ZNF385B: variants seen among roughly 807,000 people sequenced by gnomAD.
ZNF385B encodes the protein zinc finger protein 385B.
ZNF385B carries 23 observed loss-of-function variants against 39.2 expected under a neutral mutation model. The observed-to-expected ratio is 0.59, with a 90% CI of 0.42 to 0.83. ZNF385B has a LOEUF of 0.83. ZNF385B is among the 40% of genes least tolerant of loss of function. ZNF385B has a pLI of 0.00. For missense variants in ZNF385B, 552 were observed against 598.9 expected, an observed-to-expected ratio of 0.92 and a Z score of 0.82; for synonymous variants, 205 against 222.6, an observed-to-expected ratio of 0.92 and a Z score of 0.70.
chr2:179,783,633 C>A (rs180806723), intron 1 of ZNF385B, among the ~76,000 whole-genome samples: 144 of 151,936 alleles, frequency 9.5e-4, no homozygotes, highest in African/African-American at 3.0e-3. Context: ...AACAAATTTA[C>A]AAGAGAAAAA....
In ZNF385B at chr2:179,518,576, C is replaced by T. The variant is rs769889141; in HGVS notation, c.504G>A (p.Lys168=). ...HTFGVSIPPK[K]KQVISCNVCQ... ...AGACATTACAAGAAATAACTTGTTTCTTCTTTGGGGGAATGGATACTCCAA... is the reference window on the plus strand; with the variant it reads ...AGACATTACAAGAAATAACTTGTTTTTTCTTTGGGGGAATGGATACTCCAA... The change falls in exon 5 of 10, where the codon AAG becomes AAA. Residue 168 remains lysine, a synonymous_variant. Transcript: ENST00000410066. 4 of 1,609,730 alleles carry T rather than the reference C, an allele frequency of 2.5e-6. No homozygotes were observed. In the South Asian group the frequency reaches 3.3e-5, roughly 13 times the overall value.
At chr2:179,721,130 A>G (rs1700674191) in intron 3 of ZNF385B, among the ~76,000 whole-genome samples, 1 of 152,008 alleles carries the variant, frequency 6.6e-6, no homozygotes, top group Admixed American at 6.6e-5. Flanking sequence ...ACTACAGATG[A>G]AAAGGTAAGT....
At chr2:179,581,402 T>G (rs2106034194) in intron 3 of ZNF385B, among the ~76,000 whole-genome samples, 1 of 152,350 alleles carries the variant, frequency 6.6e-6, no homozygotes, top group South Asian at 2.1e-4. Context: ...TCTTATTTTT[T>G]GTAAAGCTGT....
At chr2:179,650,277 T>C (rs2106244865) in intron 3 of ZNF385B, among the ~76,000 whole-genome samples, 1 of 152,318 alleles carries the variant, frequency 6.6e-6, no homozygotes, top group Non-Finnish European at 1.5e-5. Context: ...ATATACATAT[T>C]TTGGGAAAGG....
chr2:179,668,106 A>T (rs1695410649), intron 3 of ZNF385B, among the ~76,000 whole-genome samples: 1 of 152,332 alleles, frequency 6.6e-6, no homozygotes, highest in African/African-American at 2.4e-5. Flanking sequence ...GGATCATCCT[A>T]TCCATAAGTC....
At chr2:179,622,479 G>A (rs1039728400) in intron 3 of ZNF385B, among the ~76,000 whole-genome samples, 3 of 152,126 alleles carry the variant, frequency 2.0e-5, no homozygotes, top group Admixed American at 1.3e-4. Context: ...ACTCAGAGAG[G>A]TAACAAAGTT....
At chr2:179,704,989 T>G (rs1699479202) in intron 3 of ZNF385B, among the ~76,000 whole-genome samples, 1 of 152,186 alleles carries the variant, frequency 6.6e-6, no homozygotes. Flanking sequence ...CTTTCCTGTA[T>G]TCTCATACCT....
chr2:179,671,637 T>A (rs1696014947), intron 3 of ZNF385B, among the ~76,000 whole-genome samples: 1 of 152,276 alleles, frequency 6.6e-6, no homozygotes, highest in East Asian at 1.9e-4. Flanking sequence ...AGGTAGGTAG[T>A]ACAATTTCAA....
chr2:179,558,548 C>G (rs11683272), intron 3 of ZNF385B, among the ~76,000 whole-genome samples: 10,449 of 152,108 alleles, frequency 0.069, 456 homozygotes, highest in Middle Eastern at 0.19. Flanking sequence ...TAAATATTAA[C>G]CAAACACTTC....
At chr2:179,483,231 G>T in intron 6 of ZNF385B, 41 bp downstream of exon 6, 1 of 1,609,204 alleles carries the variant, frequency 6.2e-7, no homozygotes, top group South Asian at 1.1e-5. Context: ...AGGGGAACAG[G>T]AGAAACACAA....
chr2:179,497,744 C>G (rs938940415), intron 5 of ZNF385B, among the ~76,000 whole-genome samples: 7 of 152,008 alleles, frequency 4.6e-5, no homozygotes, highest in African/African-American at 1.4e-4. Context: ...TGTAAATACA[C>G]TGAACTCTCC....
chr2:179,800,299 G>C (rs1393961923), intron 1 of ZNF385B, among the ~76,000 whole-genome samples: 1 of 151,974 alleles, frequency 6.6e-6, no homozygotes, highest in Non-Finnish European at 1.5e-5. Context: ...ACTTTGAAAA[G>C]TGATTCTGCA....
At chr2:179,604,740 T>G (rs1688666221) in intron 3 of ZNF385B, among the ~76,000 whole-genome samples, 1 of 152,082 alleles carries the variant, frequency 6.6e-6, no homozygotes, top group Non-Finnish European at 1.5e-5. Flanking sequence ...CAAACTTTCT[T>G]GTCTACTTAT....
intron 3 of ZNF385B, among the ~76,000 whole-genome samples, chr2:179,706,588 C>G (rs1478672464): frequency 6.6e-6 from 1 of 152,268 alleles, no homozygotes; most frequent in East Asian, 1.9e-4. Flanking sequence ...ACAACAGCTG[C>G]TGTCCTTGAT....
intron 3 of ZNF385B, among the ~76,000 whole-genome samples, chr2:179,741,721 C>T (rs913805145): frequency 6.6e-6 from 1 of 152,024 alleles, no homozygotes; most frequent in Non-Finnish European, 1.5e-5. Flanking sequence ...TCATATGAGG[C>T]ACACAGTAGG....
chr2:179,725,908 G>GTATATATATATA (rs200614511), intron 3 of ZNF385B, among the ~76,000 whole-genome samples: 31 of 111,066 alleles, frequency 2.8e-4, no homozygotes, highest in Admixed American at 1.5e-3. Flanking sequence ...GTGTTTGTGT[G>GTATATATATATA]TGTATATATA....
intron 6 of ZNF385B, among the ~76,000 whole-genome samples, chr2:179,482,475 TATTAAACATCCA>T (rs2054105359): frequency 6.6e-6 from 1 of 152,188 alleles, no homozygotes; most frequent in Non-Finnish European, 1.5e-5. Flanking sequence ...TGTGGAAGCC[TATTAAACATCCA>T]ATTTCATGGT....
At chr2:179,503,339 A>T (rs113719806) in intron 5 of ZNF385B, among the ~76,000 whole-genome samples, 6 of 152,330 alleles carry the variant, frequency 3.9e-5, no homozygotes, top group African/African-American at 1.4e-4. Context: ...GACCAATAAA[A>T]GTACAATTTG....
chr2:179,544,991 T>A, intron 3 of ZNF385B, 22 bp from the exon 4 acceptor site: 1 of 1,613,458 alleles, frequency 6.2e-7, no homozygotes, highest in Non-Finnish European at 8.5e-7. Context: ...AAAACAAAAA[T>A]GAATTCAATT....
Sources: allele counts gnomAD v4.1 joint callset (sites outside exome capture counted in the v4.1 genomes callset), GRCh38; gene constraint gnomAD v4.1.1; transcripts MANE v1.5; gene names NCBI Gene and HGNC (gene_info 2026-07-23, HGNC 2026-07-21).